Variants in DDX60L observed in about 807,000 individuals in gnomAD.
The protein encoded by DDX60L is probable ATP-dependent RNA helicase DDX60-like.
Under a neutral mutation model 211.6 loss-of-function variants are expected in DDX60L, and 191 were observed. The observed-to-expected ratio is 0.90, with a 90% CI of 0.80 to 1.02. The LOEUF is 1.02. Ranked by LOEUF, DDX60L falls within the 50% of genes least tolerant of loss-of-function variation. The pLI is 0.00. For missense variants in DDX60L, 2,007 were observed against 1,984.1 expected (o/e 1.01, Z -0.22); for synonymous variants, 706 against 694.1 (o/e 1.02, Z -0.27).
Position 168,406,682 on chromosome 4 carries a change from C to T in DDX60L, c.3004G>A (p.Asp1002Asn). Residue 1002 changes from aspartate to asparagine, a missense_variant, in exon 23 of 38, where the codon GAT becomes AAT. Asp to Asn is a conservative substitution (Grantham distance 23). Coordinates refer to ENST00000682922, the MANE Select transcript of DDX60L (RefSeq NM_001012967.3). ...CTTTCTTGAGGGGTGAGGGTAAGAT[C>T]AGGTGGGAATCCATACTTTTCAATC... ...DIIEKYGFPP[D>N]LTLTPQESIQ... 1 of 1,603,320 alleles carries T rather than the reference C, an allele frequency of 6.2e-7. No homozygotes were observed. The highest frequency in any genetic ancestry group is 8.5e-7 in the Non-Finnish European group (1 of 1,175,624).
intron 5 of DDX60L, among the ~76,000 whole-genome samples, chr4:168,460,652 A>G (rs1011558053): frequency 1.3e-5 from 2 of 152,142 alleles, no homozygotes; most frequent in African/African-American, 4.8e-5. Context: ...TTCCACACCA[A>G]TAATTGCCTA....
intron 3 of DDX60L, 100 bp downstream of exon 3, chr4:168,472,355 T>G (rs954773911): frequency 2.0e-5 from 17 of 864,452 alleles, no homozygotes; most frequent in Non-Finnish European, 2.9e-5. Flanking sequence ...CCAAGATAAA[T>G]AGGTTGAGTG....
rs536750630 is a variant in DDX60L, at chr4:168,381,586, T to A, written c.4117-1756A>T. On this transcript the variant is annotated intron_variant, in intron 30 of 37. Transcript: ENST00000682922. ...TATGATAAACACTATCAATTTTTTT[T>A]AAAAAAAAAAACTATAACTAGAAAC... Among the ~76,000 whole-genome samples, 673 of 149,816 alleles carry A rather than the reference T, an allele frequency of 4.5e-3. 1 individual carries two copies. The highest frequency in any genetic ancestry group is 0.015 in the African/African-American group (596 of 40,800).
Position 168,405,866 on chromosome 4 carries a change from A to G in DDX60L, c.3213+84T>C, listed in dbSNP as rs1747660802. ...ACAAAAATCGGAATAAAAAGATTAC[A>G]AAACATTTATTGGCTAAATTATTAT... On this transcript the variant is annotated intron_variant, in intron 24 of 37. Coordinates refer to ENST00000682922, the MANE Select transcript of DDX60L (RefSeq NM_001012967.3). 5.7e-6 allele frequency: 8 copies of G among 1,398,034 alleles called. No homozygotes were observed. In the South Asian group the frequency reaches 1.2e-4, roughly 21 times the overall value. The allele number at this position is 1,398,034 out of a possible 1,614,324, so 86.6% of individuals were successfully genotyped here. A position where few individuals can be genotyped will look rare whatever the true frequency, so the allele number is the denominator to read the frequency against.
Position 168,400,914 on chromosome 4 carries a change from T to A in DDX60L, c.3403A>T (p.Thr1135Ser), listed in dbSNP as rs1746681903. The change falls in exon 26 of 38, where the codon ACA becomes TCA. Residue 1135 changes from threonine (T) to serine (S), a missense_variant. Transcript: ENST00000682922. ...SVCTFLEKTE[T>S]KSHPHTECHS... ...CATTCAGTGTGGGGATGGCTTTTTGTCTCTGTCTTCTCCAGAAAAGTGCAC... is the reference window on the plus strand; with the variant it reads ...CATTCAGTGTGGGGATGGCTTTTTGACTCTGTCTTCTCCAGAAAAGTGCAC... The A allele has an allele frequency of 1.2e-6, 2 of 1,613,862 alleles. No individual in the cohort carries two copies. Among genetic ancestry groups the A allele is most frequent in the Non-Finnish European group, 1.7e-6 (2 of 1,179,766 alleles).
chr4:168,367,546 A>ACAC (rs1348623166), intron 36 of DDX60L, among the ~76,000 whole-genome samples: 9 of 152,176 alleles, frequency 5.9e-5, no homozygotes, highest in African/African-American at 2.2e-4. Context: ...TAACACAGTA[A>ACAC]ATTGGTACCA....
chr4:168,475,650 T>A (rs1436614186), intron 1 of DDX60L, among the ~76,000 whole-genome samples: 4 of 147,726 alleles, frequency 2.7e-5, no homozygotes, highest in Non-Finnish European at 1.5e-5. Flanking sequence ...TTATCATTTA[T>A]AAAAAAAAAA....
chr4:168,416,979 C>A (rs142931405), intron 19 of DDX60L, among the ~76,000 whole-genome samples, 182 bp from the exon 20 acceptor site: 51 of 152,278 alleles, frequency 3.3e-4, no homozygotes, highest in Middle Eastern at 6.8e-3. Flanking sequence ...ATCTCCATAT[C>A]GAAACCATTA....
chr4:168,459,803 G>GGAAGGAAGGAAGGAAGGAAGGAAGGAAA (rs1757073829), intron 5 of DDX60L, among the ~76,000 whole-genome samples: 1 of 140,188 alleles, frequency 7.1e-6, no homozygotes, highest in Admixed American at 7.3e-5. Context: ...AAGGAAGGAA[G>GGAAGGAAGGAAGGAAGGAAGGAAGGAAA]GAAGGAAGGA....
Position 168,357,445 on chromosome 4 carries a change from T to C in DDX60L, c.*702A>G, listed in dbSNP as rs1449198988. 1.3e-5 allele frequency: 2 copies of C among 152,376 alleles called. No homozygotes were observed. The highest frequency in any genetic ancestry group is 2.9e-5 in the Non-Finnish European group (2 of 68,162). 9.4% of individuals were successfully genotyped at this position (152,376 alleles called of 1,614,324 possible). ...CATGGTGTAAGTAGATTCAGTTCTG[T>C]TGAGGGCTTGCTTCTTGGTCTGCAG... is the stretch of plus-strand genomic sequence containing the variant. On this transcript the variant is annotated 3_prime_UTR_variant, in exon 38 of 38. Coordinates refer to ENST00000682922, the MANE Select transcript of DDX60L (RefSeq NM_001012967.3).
intron 33 of DDX60L, chr4:168,377,721 T>A (rs945955052): frequency 1.3e-5 from 2 of 152,216 alleles, no homozygotes; most frequent in African/African-American, 2.4e-5. Flanking sequence ...AGATTAATGC[T>A]AATTACCTTT....
At chr4:168,446,722 C>A (rs1385363707) in intron 9 of DDX60L, among the ~76,000 whole-genome samples, 5 of 146,030 alleles carry the variant, frequency 3.4e-5, no homozygotes, top group Non-Finnish European at 7.5e-5. Context: ...TCAGAAATAA[C>A]ACCGCATATC....
intron 37 of DDX60L, among the ~76,000 whole-genome samples, chr4:168,358,926 A>G (rs991987521): frequency 7.2e-5 from 11 of 152,128 alleles, no homozygotes; most frequent in Non-Finnish European, 1.6e-4. Context: ...TCTTCTCTTT[A>G]CACATCTCAT....
At chr4:168,396,221 C>A in intron 26 of DDX60L, 97 bp from the exon 27 acceptor site, 1 of 700,328 alleles carries the variant, frequency 1.4e-6, no homozygotes, top group South Asian at 2.6e-5. Context: ...CTTGGTCATC[C>A]GACGTTGACA....
chr4:168,475,280 ATTAAAGTCAGCTC>A (rs1374845736), intron 1 of DDX60L, among the ~76,000 whole-genome samples: 3 of 152,234 alleles, frequency 2.0e-5, no homozygotes, highest in African/African-American at 7.2e-5. Flanking sequence ...ATGAAAACTG[ATTAAAGTCAGCTC>A]TTTTAACATT....
Position 168,427,263 on chromosome 4 carries a change from ATCT to A in DDX60L, c.1734_1736del (p.Glu578del), listed in dbSNP as rs1751608627. ...CATCGTTTTGCTGAGCTTTGTTCTG[ATCT>A]TCTTTGAGAAATGACTTTTTCTTAC... On this transcript the variant is annotated inframe_deletion, in exon 14 of 38. Transcript: ENST00000682922. 2.5e-6 allele frequency: 4 copies of A among 1,613,642 alleles called. No individual in the cohort carries two copies. The highest frequency in any genetic ancestry group is 1.7e-5 in the Admixed American group (1 of 59,992).
At chr4:168,373,132 G>T (rs1741325549) in intron 35 of DDX60L, among the ~76,000 whole-genome samples, 1 of 152,098 alleles carries the variant, frequency 6.6e-6, no homozygotes, top group Non-Finnish European at 1.5e-5. Flanking sequence ...GTGACTCTCT[G>T]ACCCAGGGAT....
At chr4:168,396,833 G>A (rs1745887029) in intron 26 of DDX60L, among the ~76,000 whole-genome samples, 1 of 151,934 alleles carries the variant, frequency 6.6e-6, no homozygotes, top group African/African-American at 2.4e-5. Context: ...GGAAACAATA[G>A]AGAGCTTGCC....
intron 13 of DDX60L, 151 bp downstream of exon 13, chr4:168,430,327 G>C: frequency 1.7e-6 from 1 of 596,920 alleles, no homozygotes; most frequent in East Asian, 3.2e-5. Flanking sequence ...CCCAATCGCA[G>C]GTATATCTTT....
Sources: allele counts gnomAD v4.1 joint callset (sites outside exome capture counted in the v4.1 genomes callset), GRCh38; gene constraint gnomAD v4.1.1; transcripts MANE v1.5; gene names NCBI Gene and HGNC (gene_info 2026-07-23, HGNC 2026-07-21).